Variants in MGAT5 observed in about 807,000 individuals in gnomAD.
The protein encoded by MGAT5 is alpha-1,6-mannosylglycoprotein 6-beta-N-acetylglucosaminyltransferase A.
In MGAT5, 30 loss-of-function variants were observed where a neutral mutation model predicts 94.3. The observed-to-expected ratio is 0.32, with a 90% CI of 0.24 to 0.43. The LOEUF (loss-of-function observed/expected upper bound fraction) is 0.43, where lower values mean the gene tolerates loss of function less well. MGAT5 is among the 20% of genes least tolerant of loss of function. The pLI is 1.00. For synonymous variants in MGAT5, 310 were observed against 322.9 expected (o/e 0.96, Z 0.43); for missense variants, 691 against 905.5 (o/e 0.76, Z 3.04).
chr2:134,318,643 G>C lies in MGAT5; in HGVS notation c.484-7G>C, dbSNP rs780356263. 5 of 1,610,738 alleles carry C rather than the reference G, an allele frequency of 3.1e-6. No homozygotes were observed. In the Admixed American group the frequency reaches 8.3e-5, roughly 27 times the overall value. On this transcript the variant is annotated splice_region_variant and splice_polypyrimidine_tract_variant and intron_variant, in intron 3 of 15. Coordinates refer to ENST00000281923, the MANE Select transcript of MGAT5 (RefSeq NM_002410.5). Reference sequence around the variant, plus strand: ...TGGGCTGCTCAGAGATGTTCTTCTTGTTTCAGTGGATGAAAGACATGTGGC... The same window carrying C: ...TGGGCTGCTCAGAGATGTTCTTCTTCTTTCAGTGGATGAAAGACATGTGGC...
At chr2:134,189,114 G>A (rs1689187517) in intron 1 of MGAT5, among the ~76,000 whole-genome samples, 1 of 152,170 alleles carries the variant, frequency 6.6e-6, no homozygotes, top group Admixed American at 6.5e-5. Context: ...CTGGTGTCCA[G>A]TTTCTATTGG....
chr2:134,277,735 G>A (rs1684464601), intron 2 of MGAT5, among the ~76,000 whole-genome samples: 1 of 152,150 alleles, frequency 6.6e-6, no homozygotes, highest in African/African-American at 2.4e-5. Context: ...TTGGAATATT[G>A]ACATAAAAAT....
intron 10 of MGAT5, 24 bp from the exon 11 acceptor site, chr2:134,402,964 T>G: frequency 1.9e-6 from 3 of 1,572,978 alleles, no homozygotes; most frequent in Non-Finnish European, 2.6e-6. Flanking sequence ...AAGAGAAATG[T>G]CTTGTGCTTG....
chr2:134,324,164 C>A (rs1687508786), intron 4 of MGAT5, among the ~76,000 whole-genome samples: 1 of 152,108 alleles, frequency 6.6e-6, no homozygotes, highest in Non-Finnish European at 1.5e-5. Context: ...TCCAGAGTTC[C>A]TAATTTGTTT....
intron 1 of MGAT5, among the ~76,000 whole-genome samples, chr2:134,135,836 C>T (rs1686386909): frequency 6.6e-6 from 1 of 152,088 alleles, no homozygotes; most frequent in African/African-American, 2.4e-5. Flanking sequence ...CCCTCCCATG[C>T]ATACAGGTAG....
intron 12 of MGAT5, among the ~76,000 whole-genome samples, chr2:134,421,171 A>G (rs1048572987): frequency 3.3e-5 from 5 of 152,238 alleles, no homozygotes; most frequent in Non-Finnish European, 7.3e-5. Flanking sequence ...TGTTGCTTTG[A>G]TCTTTCTGAA....
intron 10 of MGAT5, among the ~76,000 whole-genome samples, chr2:134,368,676 C>A (rs1680586304): frequency 6.6e-6 from 1 of 152,242 alleles, no homozygotes; most frequent in African/African-American, 2.4e-5. Context: ...CTCCTTTGCT[C>A]AGACTCTCCA....
chr2:134,273,204 C>A (rs555108646), intron 2 of MGAT5, among the ~76,000 whole-genome samples: 1 of 152,178 alleles, frequency 6.6e-6, no homozygotes, highest in East Asian at 1.9e-4. Context: ...CTATAGAGTA[C>A]CAGAAAGAAG....
chr2:134,407,434 G>A (rs774163521), intron 11 of MGAT5, among the ~76,000 whole-genome samples: 20 of 152,140 alleles, frequency 1.3e-4, no homozygotes, highest in Admixed American at 1.3e-4. Context: ...ACTGAAGAGT[G>A]TACAGAGGTA....
chr2:134,423,630 C>T (rs572521010), intron 13 of MGAT5, among the ~76,000 whole-genome samples: 20 of 152,234 alleles, frequency 1.3e-4, no homozygotes, highest in African/African-American at 4.6e-4. Context: ...CACTTAGTTG[C>T]GATGCTTTAA....
intron 15 of MGAT5, among the ~76,000 whole-genome samples, chr2:134,447,295 G>A (rs1685841032): frequency 6.6e-6 from 1 of 152,190 alleles, no homozygotes; most frequent in Non-Finnish European, 1.5e-5. Context: ...CATACCACTG[G>A]ACAAGCAAGT....
At chr2:134,414,336 G>A (rs191169957) in intron 12 of MGAT5, among the ~76,000 whole-genome samples, 29 of 152,140 alleles carry the variant, frequency 1.9e-4, no homozygotes, top group African/African-American at 7.0e-4. Flanking sequence ...TCAGTCTGCC[G>A]TGAACCTATT....
At chr2:134,260,252 TA>T (rs1396045045) in intron 1 of MGAT5, among the ~76,000 whole-genome samples, 1 of 152,224 alleles carries the variant, frequency 6.6e-6, no homozygotes, top group East Asian at 1.9e-4. Context: ...CCTCACCCTA[TA>T]GTTCACTGCT....
chr2:134,201,213 A>G (rs1679770286), intron 1 of MGAT5, among the ~76,000 whole-genome samples: 1 of 151,974 alleles, frequency 6.6e-6, no homozygotes, highest in African/African-American at 2.4e-5. Flanking sequence ...GCTTTGGTTT[A>G]GTTGAGACAG....
intron 10 of MGAT5, among the ~76,000 whole-genome samples, chr2:134,364,429 G>A (rs4129957): frequency 1.3e-5 from 2 of 152,154 alleles, no homozygotes; most frequent in South Asian, 4.1e-4. Flanking sequence ...GTACCTGGGA[G>A]GCGGATGTTG....
chr2:134,398,015 G>T (rs6759078), intron 10 of MGAT5, among the ~76,000 whole-genome samples: 147,997 of 152,324 alleles, frequency 0.97, 71,988 homozygotes, highest in East Asian at 1. Context: ...TGTAAAACCA[G>T]GTAACAGGCC....
In MGAT5 at chr2:134,245,334, G is replaced by C. The variant is rs531022494; in HGVS notation, c.-142-8928G>C. Among the ~76,000 whole-genome samples, 2 of 152,278 alleles carry C rather than the reference G, an allele frequency of 1.3e-5. 1 individual carries two copies. Among genetic ancestry groups the C allele is most frequent in the South Asian group, 4.1e-4 (2 of 4,820 alleles). ...CCTCAGAATTCTTGGAGTTACCGCT[G>C]TTGCCTTTTTTTGTTGTTAGGAAAT... On this transcript the variant is annotated intron_variant, in intron 1 of 16. Transcript: ENST00000409645.
At chr2:134,295,432 A>C (rs971248543) in intron 2 of MGAT5, among the ~76,000 whole-genome samples, 2 of 152,336 alleles carry the variant, frequency 1.3e-5, no homozygotes, top group Admixed American at 1.3e-4. Context: ...TCCAAACATA[A>C]GAGCTGCGAA....
At chr2:134,123,226 G>A (rs1685697406) in intron 1 of MGAT5, among the ~76,000 whole-genome samples, 1 of 152,112 alleles carries the variant, frequency 6.6e-6, no homozygotes. Context: ...TAGCTGACGG[G>A]GAGGCCTTTG....
Sources: allele counts gnomAD v4.1 joint callset (sites outside exome capture counted in the v4.1 genomes callset), GRCh38; gene constraint gnomAD v4.1.1; transcripts MANE v1.5; gene names NCBI Gene and HGNC (gene_info 2026-07-23, HGNC 2026-07-21).